DOP1B: variants seen among roughly 807,000 people sequenced by gnomAD.
DOP1B encodes protein DOP1B.
In DOP1B, 174 loss-of-function variants were observed where a neutral mutation model predicts 233.5. The ratio of observed to expected loss-of-function variants is 0.75; its 90% CI spans 0.66 to 0.85. The LOEUF (loss-of-function observed/expected upper bound fraction) is 0.85, where lower values mean the gene tolerates loss of function less well. DOP1B is among the 40% of genes least tolerant of loss of function. The pLI, the probability that DOP1B is intolerant of heterozygous loss-of-function variation, is 0.00. For missense variants in DOP1B, 2,652 were observed against 2,846.6 expected (o/e 0.93, Z 1.56); for synonymous variants, 1,190 against 1,185.6 (o/e 1.00, Z -0.08).
At chr21:36,263,274 G>A (rs1334002601) in intron 24 of DOP1B, among the ~76,000 whole-genome samples, 2 of 148,942 alleles carry the variant, frequency 1.3e-5, no homozygotes, top group African/African-American at 2.5e-5. Flanking sequence ...GGTCAAGGTC[G>A]ATCATCTAAT....
rs1268199173 is a variant in DOP1B, at chr21:36,281,973, CCCCCACACACAGATAGA to C, written c.6160+366_6160+382del. ...AGCAACAGCTGACCTGCCCTCACTGCCCCCACACACAGATAGACCCATGAGGGGCTGAGATGATTAAG... is the reference window on the plus strand; with the variant it reads ...AGCAACAGCTGACCTGCCCTCACTGCCCCATGAGGGGCTGAGATGATTAAG... On this transcript the variant is annotated intron_variant, in intron 32 of 36. Transcript: ENST00000691173. Among the ~76,000 whole-genome samples the C allele has an allele frequency of 2.0e-5, 3 of 152,248 alleles. No homozygotes were observed. The South Asian group carries it at 6.2e-4, about 32-fold the overall frequency.
chr21:36,178,482 C>T (rs2066056988), intron 2 of DOP1B, among the ~76,000 whole-genome samples: 1 of 151,442 alleles, frequency 6.6e-6, no homozygotes, highest in South Asian at 2.1e-4. Context: ...CCTCCCACCT[C>T]CCACCATGTG....
chr21:36,191,956 T>C (rs1317040069), intron 2 of DOP1B, among the ~76,000 whole-genome samples: 1 of 152,144 alleles, frequency 6.6e-6, no homozygotes, highest in South Asian at 2.1e-4. Flanking sequence ...AGTACATTCA[T>C]ATTGTGTATC....
chr21:36,231,043 C>T lies in DOP1B; in HGVS notation c.2259C>T (p.Ala753=). Residue 753 remains alanine (A), a synonymous_variant, in exon 14 of 37, where the codon GCC becomes GCT. Transcript: ENST00000691173. ...AACGCAGGGAGGCCTTTGCCGCCGCCTGCCACCTGCTGCTGGATTGTGCCA... is the reference window on the plus strand; with the variant it reads ...AACGCAGGGAGGCCTTTGCCGCCGCTTGCCACCTGCTGCTGGATTGTGCCA... ...REERREAFAA[A]CHLLLDCATF... The T allele has an allele frequency of 6.2e-7, 1 of 1,614,110 alleles. No individual in the cohort carries two copies. Among genetic ancestry groups the T allele is most frequent in the African/African-American group, 1.3e-5 (1 of 75,044 alleles).
intron 2 of DOP1B, among the ~76,000 whole-genome samples, chr21:36,187,213 T>G (rs1267367888): frequency 8.0e-6 from 1 of 124,380 alleles, no homozygotes. Flanking sequence ...TCCCTTCCCC[T>G]CCTCTCCCCT....
intron 32 of DOP1B, among the ~76,000 whole-genome samples, chr21:36,284,788 A>G (rs1356420091): frequency 1.3e-5 from 2 of 151,558 alleles, no homozygotes; most frequent in Non-Finnish European, 1.5e-5. Context: ...CACAGGCAAT[A>G]TAATAGAATA....
intron 2 of DOP1B, among the ~76,000 whole-genome samples, chr21:36,187,079 T>TG: frequency 7.4e-6 from 1 of 135,644 alleles, no homozygotes; most frequent in East Asian, 2.2e-4. Flanking sequence ...GCTCAGGCCT[T>TG]GGCTTCAGCA....
rs1309081573 is a variant in DOP1B at position 36,230,508 on chromosome 21, G to T, written c.1724G>T (p.Gly575Val). The T allele has an allele frequency of 3.1e-6, 5 of 1,613,618 alleles. No individual in the cohort carries two copies. The highest frequency in any genetic ancestry group is 3.4e-6 in the Non-Finnish European group (4 of 1,179,540). The change falls in exon 14 of 37, where the codon GGT (glycine) becomes GTT (valine). Residue 575 changes from glycine to valine, a missense_variant. Gly to Val is a moderately radical substitution (Grantham distance 109, BLOSUM62 -3). Transcript: ENST00000691173. The stretch of plus-strand genomic sequence containing the variant: ...TTGGAAACAAAGGCAGTGATTCCCG[G>T]TGACGAAGATGCTTCGTTTCCCCCT... ...IILETKAVIP[G>V]DEDASFPPLK...
At chr21:36,232,262 C>CA (rs1379438271) in intron 14 of DOP1B, among the ~76,000 whole-genome samples, 1 of 152,202 alleles carries the variant, frequency 6.6e-6, no homozygotes, top group Non-Finnish European at 1.5e-5. Flanking sequence ...GGATTACAGG[C>CA]ATGAGCCACC....
intron 7 of DOP1B, among the ~76,000 whole-genome samples, chr21:36,213,253 G>A (rs1171332198): frequency 2.6e-5 from 4 of 152,144 alleles, no homozygotes; most frequent in East Asian, 3.9e-4. Context: ...ATTTTGTCAA[G>A]GGCACAGCTC....
At position 36,246,241 on chromosome 21, in the gene DOP1B, GAGAGT is replaced by G; in HGVS notation, c.4262_4266del (p.Glu1421AlafsTer3). The G allele has an allele frequency of 6.2e-7, 1 of 1,613,906 alleles. No homozygotes were observed. Among genetic ancestry groups the G allele is most frequent in the Non-Finnish European group, 8.5e-7 (1 of 1,180,036 alleles). On this transcript the variant is annotated frameshift_variant, in exon 19 of 37. Coordinates refer to ENST00000691173, the MANE Select transcript of DOP1B (RefSeq NM_001320714.2). LOFTEE classifies it high-confidence loss of function. This position sits in a 1 kb window ranked among gnomAD's most constrained non-coding sequence, Gnocchi z 5.1. ...CCTGCCAGAGGACAGCCTCTTTGAG[GAGAGT>G]CTCATTAACTTGGGTCAGGACCAGA...
rs2067511190 is a variant in DOP1B at position 36,288,124 on chromosome 21, T to C, written c.6271T>C (p.Leu2091=). 2.5e-6 allele frequency: 4 copies of C among 1,614,064 alleles called. No individual in the cohort carries two copies. Among genetic ancestry groups the C allele is most frequent in the East Asian group, 2.2e-5 (1 of 44,872 alleles). ...AATATCTCCTCAACATTTGACTTCA[T>C]TGTGGCCAATAATGGTCTCTGAATT... is the stretch of plus-strand genomic sequence containing the variant. ...LRISPQHLTS[L]WPIMVSELIQ... The change falls in exon 33 of 37, where the codon TTG becomes CTG. Residue 2091 remains leucine, a synonymous_variant. Transcript: ENST00000691173.
Position 36,245,553 on chromosome 21 carries a change from G to A in DOP1B, c.3573G>A (p.Ser1191=), listed in dbSNP as rs141535910. Residue 1191 remains serine, a synonymous_variant, in exon 19 of 37, where the codon TCG becomes TCA. Transcript: ENST00000691173. The surrounding 1 kb of genome is among the most constrained non-coding windows in gnomAD (Gnocchi z 5.5). ...CGGACAAGACGCAGGCTTCTGAGTC[G>A]TTCTCCAGCGACGAGGAGGCGGACT... ...VDSDKTQASE[S]FSSDEEADLE... is the part of the protein sequence containing the mutation. 2,039 of 1,613,440 alleles carry A rather than the reference G, an allele frequency of 1.3e-3. 5 individuals carry two copies. Among genetic ancestry groups the A allele is most frequent in the Admixed American group, 1.8e-3 (111 of 60,016 alleles).
intron 27 of DOP1B, among the ~76,000 whole-genome samples, chr21:36,270,420 G>A (rs555663447): frequency 6.6e-6 from 1 of 151,692 alleles, no homozygotes; most frequent in African/African-American, 2.4e-5. Flanking sequence ...GGGCACAGTG[G>A]TAAGCACCTG....
chr21:36,246,682 G>T lies in DOP1B; in HGVS notation c.4697+5G>T, dbSNP rs779688437. ...ATCTGTGAAGCTCTCTGTCAGGTGC[G>T]TTACGCTCCTTGTGACATCTTTATT... On this transcript the variant is annotated splice_donor_5th_base_variant and intron_variant, in intron 19 of 36. Coordinates refer to ENST00000691173, the MANE Select transcript of DOP1B (RefSeq NM_001320714.2). This position sits in a 1 kb window ranked among gnomAD's most constrained non-coding sequence, Gnocchi z 5.1. The T allele has an allele frequency of 2.5e-6, 4 of 1,600,368 alleles. No homozygotes were observed. Among genetic ancestry groups the T allele is most frequent in the South Asian group, 1.1e-5 (1 of 90,644 alleles).
intron 23 of DOP1B, among the ~76,000 whole-genome samples, chr21:36,259,264 C>CTTTTTTT (rs11411588): frequency 1.5e-5 from 2 of 136,634 alleles, no homozygotes; most frequent in African/African-American, 5.5e-5. Flanking sequence ...TGCGCCCGGG[C>CTTTTTTT]TTTTTTTTTT....
At chr21:36,238,107 C>T (rs1397664608) in intron 16 of DOP1B, among the ~76,000 whole-genome samples, 9 of 152,168 alleles carry the variant, frequency 5.9e-5, no homozygotes, top group Non-Finnish European at 1.0e-4. Context: ...GCGGAGGTTG[C>T]GGTGAGCCGA....
chr21:36,290,212 A>G (rs890805205), intron 35 of DOP1B, among the ~76,000 whole-genome samples: 8 of 152,224 alleles, frequency 5.3e-5, no homozygotes, highest in Non-Finnish European at 7.3e-5. Flanking sequence ...TCTGCAAAAG[A>G]AAGTCTTTTA....
chr21:36,218,384 G>A (rs970737052), intron 9 of DOP1B, among the ~76,000 whole-genome samples: 2 of 152,076 alleles, frequency 1.3e-5, no homozygotes, highest in East Asian at 1.9e-4. Flanking sequence ...TTAGCTGGGC[G>A]TGGTGGCACA....
Sources: allele counts gnomAD v4.1 joint callset (sites outside exome capture counted in the v4.1 genomes callset), GRCh38; gene constraint gnomAD v4.1.1; non-coding constraint Gnocchi (gnomAD v3.1); transcripts MANE v1.5; gene names NCBI Gene and HGNC (gene_info 2026-07-23, HGNC 2026-07-21).